The following EMC3 variants were observed in gnomAD, a reference collection of about 807,000 sequenced individuals.
EMC3 encodes the protein ER membrane protein complex subunit 3, also known as 30 kDa protein.
Under a neutral mutation model 36.6 loss-of-function variants are expected in EMC3, and 13 were observed. The observed-to-expected ratio is 0.35, with a 90% CI of 0.23 to 0.56. The LOEUF (loss-of-function observed/expected upper bound fraction) is 0.56. EMC3 is among the 20% of genes least tolerant of loss of function. EMC3 has a pLI of 0.84. For synonymous variants in EMC3, 120 were observed against 111.9 expected, an observed-to-expected ratio of 1.07 and a Z score of -0.46; for missense variants, 220 against 324.5, an observed-to-expected ratio of 0.68 and a Z score of 2.47.
intron 1 of EMC3, 59 bp downstream of exon 1, chr3:9,986,448 C>A (rs1361539337): frequency 1.9e-4 from 298 of 1,594,384 alleles, no homozygotes; most frequent in Non-Finnish European, 2.3e-4. Context: ...ACAACTCCTG[C>A]ACTTTTTTGC....
Position 9,995,821 on chromosome 3 carries a change from A to G in EMC3, c.-241-8919T>C, listed in dbSNP as rs145121768. ...ATCGGCTGATTTTTGTATTTTTAGTATTTTGTGTTTTTAAACCTCTTTACT... is the reference window on the plus strand; with the variant it reads ...ATCGGCTGATTTTTGTATTTTTAGTGTTTTGTGTTTTTAAACCTCTTTACT... On this transcript the variant is annotated intron_variant, in intron 1 of 8. Coordinates refer to the EMC3 transcript ENST00000470827. Among the ~76,000 whole-genome samples, 44 of 151,388 alleles carry G rather than the reference A, an allele frequency of 2.9e-4. No individual in the cohort carries two copies. In the East Asian group the frequency reaches 4.1e-3, roughly 14 times the overall value.
At position 9,974,399 on chromosome 3, in the gene EMC3, A is replaced by G. The variant is rs1204563649; in HGVS notation, c.397T>C (p.Ser133Pro). ...LIGGWINMTF[S>P]GFVTTKVPFP... is the part of the protein sequence containing the mutation. Reference sequence around the variant, plus strand: ...TGTAACTTACTTGTGACAAAGCCTGAGAATGTCATGTTGATCCATCCACCA... The same window carrying G: ...TGTAACTTACTTGTGACAAAGCCTGGGAATGTCATGTTGATCCATCCACCA... The change falls in exon 4 of 8, where the codon TCA (serine) becomes CCA (proline). Residue 133 changes from serine (S) to proline (P), a missense_variant. Physicochemically the swap from Ser to Pro is moderately conservative, Grantham distance 74 (BLOSUM62 -1). Around this residue, in one of 3 missense-constraint regions of EMC3, gnomAD observed 127 missense variants for 174.6 expected, o/e 0.73. Transcript: ENST00000245046. 6.2e-7 allele frequency: 1 copy of G among 1,612,896 alleles called. No homozygotes were observed. Among genetic ancestry groups the G allele is most frequent in the South Asian group, 1.1e-5 (1 of 91,054 alleles).
upstream of EMC3, among the ~76,000 whole-genome samples, chr3:9,989,510 T>G (rs1398071530): frequency 6.6e-6 from 1 of 152,280 alleles, no homozygotes; most frequent in Non-Finnish European, 1.5e-5. Context: ...CCTTAGGTGC[T>G]GATTGGTTGC....
chr3:9,991,031 T>C (rs1164606507), upstream of EMC3, among the ~76,000 whole-genome samples: 5 of 151,930 alleles, frequency 3.3e-5, no homozygotes, highest in African/African-American at 9.7e-5. Context: ...GGTTTCACCA[T>C]GTTAGCCAGG....
intron 1 of EMC3, among the ~76,000 whole-genome samples, chr3:9,980,126 G>A (rs750929429): frequency 4.0e-5 from 6 of 150,084 alleles, no homozygotes; most frequent in East Asian, 2.0e-4. Context: ...CAATTCTCCC[G>A]CCTCAGCCTT....
upstream of EMC3, chr3:9,987,956 C>T: frequency 1.9e-6 from 2 of 1,039,668 alleles, no homozygotes; most frequent in Non-Finnish European, 1.5e-6. Flanking sequence ...TGTGTTTTGC[C>T]ATCACTGTTG....
upstream of EMC3, among the ~76,000 whole-genome samples, chr3:9,989,279 G>C (rs1365555025): frequency 6.6e-6 from 1 of 152,192 alleles, no homozygotes; most frequent in Non-Finnish European, 1.5e-5. Context: ...GGCCGGGCAC[G>C]GTGGCTCACG....
intron 1 of EMC3, among the ~76,000 whole-genome samples, chr3:10,001,493 G>A (rs1344703799): frequency 6.6e-6 from 1 of 151,786 alleles, no homozygotes; most frequent in Non-Finnish European, 1.5e-5. Flanking sequence ...CAGGAGAATG[G>A]CGTGAACCTG....
chr3:9,982,011 C>T (rs2600007), intron 1 of EMC3, among the ~76,000 whole-genome samples: 7 of 151,706 alleles, frequency 4.6e-5, no homozygotes, highest in Admixed American at 2.0e-4. Flanking sequence ...AGTACAGTGG[C>T]GTGATCTCGG....
chr3:10,009,594 C>T (rs2086302196), intron 1 of EMC3, among the ~76,000 whole-genome samples: 1 of 152,226 alleles, frequency 6.6e-6, no homozygotes, highest in Admixed American at 6.5e-5. Context: ...GAGAGCTGCT[C>T]TTGCCATCCC....
intron 1 of EMC3, among the ~76,000 whole-genome samples, chr3:9,983,149 A>T (rs1359465903): frequency 2.1e-5 from 3 of 142,992 alleles, no homozygotes; most frequent in African/African-American, 2.6e-5. Flanking sequence ...AATCTGTGGA[A>T]TTTTTTTTTT....
At chr3:9,986,429 C>T in intron 1 of EMC3, 78 bp downstream of exon 1, 1 of 1,558,170 alleles carries the variant, frequency 6.4e-7, no homozygotes, top group Non-Finnish European at 8.8e-7. Flanking sequence ...TGAACCTAGG[C>T]AAATTGACAC....
chr3:9,965,463 A>AGAG (rs2085728640), intron 7 of EMC3, among the ~76,000 whole-genome samples: 3 of 129,348 alleles, frequency 2.3e-5, no homozygotes, highest in African/African-American at 9.3e-5. Flanking sequence ...GATAGATAGA[A>AGAG]CAAGCTTATT....
At chr3:9,986,956 C>G, upstream of EMC3, 1 of 1,171,180 alleles carries the variant, frequency 8.5e-7, no homozygotes, top group South Asian at 2.2e-5. Context: ...TGGCTCACTC[C>G]TGGAATCCCA....
At chr3:9,969,045 G>A (rs2124900686) in intron 7 of EMC3, 1 of 152,780 alleles carries the variant, frequency 6.5e-6, no homozygotes. Context: ...GGCTGGTCTT[G>A]AACTCCTGAC....
At chr3:9,970,421 G>A (rs1413508971) in intron 6 of EMC3, among the ~76,000 whole-genome samples, 161 bp downstream of exon 6, 4 of 152,076 alleles carry the variant, frequency 2.6e-5, no homozygotes, top group East Asian at 1.9e-4. Flanking sequence ...TTTGACCCCC[G>A]GAATTTTTAA....
intron 7 of EMC3, among the ~76,000 whole-genome samples, chr3:9,967,641 AC>A (rs2085746926): frequency 6.6e-6 from 1 of 152,198 alleles, no homozygotes; most frequent in Admixed American, 6.5e-5. Flanking sequence ...CTTTAAAACC[AC>A]GGCGTGTAAG....
At chr3:10,002,304 T>TTTATTTTA (rs1295175119) in intron 1 of EMC3, among the ~76,000 whole-genome samples, 7 of 149,556 alleles carry the variant, frequency 4.7e-5, no homozygotes, top group South Asian at 2.2e-4. Flanking sequence ...TTTATTTTAT[T>TTTATTTTA]TTGAGATAGT....
chr3:9,980,497 C>G (rs2085898787), intron 1 of EMC3, among the ~76,000 whole-genome samples: 1 of 151,352 alleles, frequency 6.6e-6, no homozygotes, highest in African/African-American at 2.4e-5. Flanking sequence ...TCCCGAGTAG[C>G]TAGGACTACA....
Sources: allele counts gnomAD v4.1 joint callset (sites outside exome capture counted in the v4.1 genomes callset), GRCh38; gene constraint gnomAD v4.1.1; regional missense constraint gnomAD v4.1.1; transcripts MANE v1.5; gene names NCBI Gene and HGNC (gene_info 2026-07-23, HGNC 2026-07-21).